The following MAD1L1 variants were observed in gnomAD, a reference collection of about 807,000 sequenced individuals.
The protein encoded by MAD1L1 is mitotic arrest deficient 1 like 1.
MAD1L1 carries 95 observed loss-of-function variants against 96.9 expected under a neutral mutation model. The ratio of observed to expected loss-of-function variants is 0.98; its 90% CI spans 0.83 to 1.16. The LOEUF (loss-of-function observed/expected upper bound fraction) is 1.16. MAD1L1 is among the 50% of genes most tolerant of loss of function. The probability of loss-of-function intolerance (pLI) is 0.00; values close to 1 mark genes in which losing one functional copy is unlikely to be tolerated. For synonymous variants in MAD1L1, 473 were observed against 396.6 expected (o/e 1.19, Z -2.29); for missense variants, 1,007 against 954.4 (o/e 1.06, Z -0.73).
At chr7:1,868,875 T>C (rs1324407053) in intron 18 of MAD1L1, among the ~76,000 whole-genome samples, 1 of 152,168 alleles carries the variant, frequency 6.6e-6, no homozygotes, top group Non-Finnish European at 1.5e-5. Flanking sequence ...ACCAACCCTC[T>C]GCATGGAGAA....
intron 18 of MAD1L1, among the ~76,000 whole-genome samples, chr7:1,852,697 G>A (rs1452693244): frequency 6.6e-6 from 1 of 152,026 alleles, no homozygotes; most frequent in Non-Finnish European, 1.5e-5. Context: ...GCATTAGGAA[G>A]TAATCATACC....
intron 12 of MAD1L1, among the ~76,000 whole-genome samples, chr7:2,052,289 G>C (rs1024630430): frequency 3.3e-5 from 5 of 152,348 alleles, no homozygotes; most frequent in Non-Finnish European, 5.9e-5. Flanking sequence ...GTGAGCAACA[G>C]AGCACAGGCA....
intron 18 of MAD1L1, among the ~76,000 whole-genome samples, chr7:1,891,097 C>T (rs546493187): frequency 3.0e-4 from 45 of 152,300 alleles, no homozygotes; most frequent in Non-Finnish European, 3.2e-4. Context: ...AAAGGGTGCA[C>T]AGAAGCGACA....
At position 1,977,793 on chromosome 7, in the gene MAD1L1, C is replaced by T. The variant is rs148577123; in HGVS notation, c.1505+2660G>A. On this transcript the variant is annotated intron_variant, in intron 15 of 18. Transcript: ENST00000265854. ...GGCCCAGCAGAAAGCAGAGTGCCATCTCAGAGAGCGGGGAGCCGTGCAGCG... is the reference window on the plus strand; with the variant it reads ...GGCCCAGCAGAAAGCAGAGTGCCATTTCAGAGAGCGGGGAGCCGTGCAGCG... Among the ~76,000 whole-genome samples the T allele has an allele frequency of 2.9e-4, 44 of 152,372 alleles. 2 individuals are homozygous for T. The highest frequency in any genetic ancestry group is 1.0e-3 in the African/African-American group (42 of 41,590).
At chr7:2,049,948 A>T (rs908172235) in intron 12 of MAD1L1, among the ~76,000 whole-genome samples, 2 of 144,460 alleles carry the variant, frequency 1.4e-5, no homozygotes, top group Non-Finnish European at 3.0e-5. Flanking sequence ...TTCACAAGGA[A>T]CCTCACCCAA....
At chr7:1,940,069 T>A (rs1778872668) in intron 16 of MAD1L1, 1 of 152,096 alleles carries the variant, frequency 6.6e-6, no homozygotes, top group African/African-American at 2.4e-5. Context: ...AAGAGGCCAG[T>A]GGAGATGGAC....
At chr7:1,917,721 G>A (rs946519656) in intron 17 of MAD1L1, among the ~76,000 whole-genome samples, 3 of 152,208 alleles carry the variant, frequency 2.0e-5, no homozygotes, top group Non-Finnish European at 4.4e-5. Flanking sequence ...CTCCTCAGCA[G>A]TCCCTGTGGC....
intron 18 of MAD1L1, among the ~76,000 whole-genome samples, chr7:1,827,826 C>T (rs1782507012): frequency 6.6e-6 from 1 of 152,228 alleles, no homozygotes; most frequent in South Asian, 2.1e-4. Flanking sequence ...CTCCTGGGCC[C>T]GGGCTAGACA....
At chr7:2,078,273 G>A (rs533855977) in intron 11 of MAD1L1, among the ~76,000 whole-genome samples, 45 of 152,268 alleles carry the variant, frequency 3.0e-4, no homozygotes, top group Non-Finnish European at 4.4e-4. Flanking sequence ...GATCCCCCAC[G>A]TCAACCCACT....
intron 11 of MAD1L1, among the ~76,000 whole-genome samples, chr7:2,127,805 T>C: frequency 6.6e-6 from 1 of 151,974 alleles, no homozygotes; most frequent in East Asian, 1.9e-4. Context: ...AGACGCCTGC[T>C]AGGAATGAGA....
intron 18 of MAD1L1, among the ~76,000 whole-genome samples, chr7:1,839,336 G>A (rs558230534): frequency 3.6e-5 from 2 of 55,678 alleles, no homozygotes; most frequent in East Asian, 6.7e-4. Flanking sequence ...GCAGGAAAGC[G>A]TCCTGCCCCC....
At chr7:2,188,119 T>C (rs1215103870) in intron 10 of MAD1L1, among the ~76,000 whole-genome samples, 1 of 152,226 alleles carries the variant, frequency 6.6e-6, no homozygotes, top group Admixed American at 6.5e-5. Context: ...TGATGTTACA[T>C]AACCATGCAT....
chr7:2,182,060 T>G (rs1417658736), intron 10 of MAD1L1, among the ~76,000 whole-genome samples: 1 of 151,838 alleles, frequency 6.6e-6, no homozygotes, highest in East Asian at 1.9e-4. Context: ...CACCAAAATC[T>G]CAGAAACCAC....
intron 17 of MAD1L1, among the ~76,000 whole-genome samples, chr7:1,916,001 T>G (rs1353841193): frequency 6.6e-6 from 1 of 152,102 alleles, no homozygotes; most frequent in African/African-American, 2.4e-5. Flanking sequence ...GGCAGGGATT[T>G]AAGTAGGTAT....
chr7:1,999,354 C>A (rs1781690837), intron 14 of MAD1L1, among the ~76,000 whole-genome samples: 1 of 152,186 alleles, frequency 6.6e-6, no homozygotes, highest in African/African-American at 2.4e-5. Flanking sequence ...GTCCTGGAGC[C>A]CCCAACAGCC....
rs147755594 is a variant in MAD1L1 at position 1,845,147 on chromosome 7, C to T, written c.1999-28919G>A. On this transcript the variant is annotated intron_variant, in intron 18 of 18. Coordinates refer to ENST00000265854, the MANE Select transcript of MAD1L1 (RefSeq NM_001013836.2). The stretch of plus-strand genomic sequence containing the variant: ...TCCTAGCAATGCTGTGTGGCTGATA[C>T]GCTGACCAGCTACTTGACACCTGGC... Among the ~76,000 whole-genome samples, 529 of 152,350 alleles carry T rather than the reference C, an allele frequency of 3.5e-3. 1 individual carries two copies. The highest frequency in any genetic ancestry group is 0.012 in the African/African-American group (502 of 41,578).
intron 11 of MAD1L1, among the ~76,000 whole-genome samples, chr7:2,069,583 C>T (rs1584247297): frequency 6.6e-6 from 1 of 152,262 alleles, no homozygotes; most frequent in African/African-American, 2.4e-5. Flanking sequence ...CTCAACTCCA[C>T]ACACAATGGG....
At chr7:2,089,929 G>A (rs1040106194) in intron 11 of MAD1L1, among the ~76,000 whole-genome samples, 2 of 152,220 alleles carry the variant, frequency 1.3e-5, no homozygotes, top group Non-Finnish European at 2.9e-5. Flanking sequence ...CAGACCTTTC[G>A]AGCTGCAGAA....
intron 11 of MAD1L1, among the ~76,000 whole-genome samples, chr7:2,071,953 G>A (rs974190928): frequency 2.0e-5 from 3 of 152,214 alleles, no homozygotes; most frequent in South Asian, 2.1e-4. Context: ...CTCGCCCTGC[G>A]CATCCATTCA....
Sources: gnomAD v4.1 joint callset for allele counts (sites outside exome capture counted in the v4.1 genomes callset) on GRCh38, gnomAD v4.1.1 for gene constraint, MANE v1.5 for transcripts, NCBI Gene and HGNC (gene_info 2026-07-23, HGNC 2026-07-21) for gene names.